SLC22A14: variants seen among roughly 807,000 people sequenced by gnomAD.
The protein encoded by SLC22A14 is solute carrier family 22 member 14.
A neutral mutation model predicts 53.9 loss-of-function variants in SLC22A14; 50 were observed. The observed-to-expected ratio is 0.93, with a 90% CI of 0.74 to 1.17. SLC22A14 has a LOEUF of 1.17. Among genes scored for constraint, SLC22A14 ranks in the 50% most tolerant of loss-of-function variants. The probability of loss-of-function intolerance (pLI) is 0.00; values close to 1 mark genes in which losing one functional copy is unlikely to be tolerated. For synonymous variants in SLC22A14, 312 were observed against 303.0 expected (o/e 1.03, Z -0.31); for missense variants, 671 against 734.7 (o/e 0.91, Z 1.00).
rs752077555 is a variant in SLC22A14, at chr3:38,315,669, T to C, written c.1490T>C (p.Val497Ala). The C allele has an allele frequency of 9.9e-6, 16 of 1,614,068 alleles. No homozygotes were observed. In the South Asian group the frequency reaches 1.8e-4, roughly 18 times the overall value. The stretch of plus-strand genomic sequence containing the variant: ...TTCAGCCTGGCCGCCACTGTCACTG[T>C]GTTCTTCCTCTACACCGCTGAGCTC... ...REFSLAATVT[V>A]FFLYTAELLP... Residue 497 changes from valine to alanine, a missense_variant, in exon 9 of 11, where the codon GTG (valine) becomes GCG (alanine). Val to Ala is a moderately conservative substitution (Grantham distance 64, BLOSUM62 0). Transcript: ENST00000448498.
Position 38,306,357 on chromosome 3 carries a change from T to C in SLC22A14, c.331T>C (p.Ser111Pro), listed in dbSNP as rs769143324. Residue 111 changes from serine (S) to proline (P), a missense_variant, in exon 2 of 11, where the codon TCC becomes CCC. Transcript: ENST00000448498. ...GATCCTGGCAGTGGGCCCCCACCTG[T>C]CCAAAGCTGAGCAGCTGAATCTGAC... ...SWILAVGPHL[S>P]KAEQLNLTIP... The C allele has an allele frequency of 5.6e-6, 9 of 1,614,126 alleles. No homozygotes were observed. Among genetic ancestry groups the C allele is most frequent in the Non-Finnish European group, 7.6e-6 (9 of 1,180,020 alleles).
chr3:38,297,249 G>T (rs916723724), intron 1 of SLC22A14, among the ~76,000 whole-genome samples: 1 of 152,188 alleles, frequency 6.6e-6, no homozygotes, highest in African/African-American at 2.4e-5. Context: ...CGTGTTTAAA[G>T]GTGGATGCGG....
intron 1 of SLC22A14, among the ~76,000 whole-genome samples, chr3:38,302,751 T>A (rs1472786071): frequency 6.6e-6 from 1 of 152,232 alleles, no homozygotes; most frequent in African/African-American, 2.4e-5. Flanking sequence ...TTGCATCCAT[T>A]TTTGTGAATG....
rs1183619221 is a variant in SLC22A14, at chr3:38,306,653, C to T, written c.516+111C>T. 3 of 1,080,188 alleles carry T rather than the reference C, an allele frequency of 2.8e-6. No homozygotes were observed. In the East Asian group the frequency reaches 7.1e-5, roughly 26 times the overall value. The allele number at this position is 1,080,188 out of a possible 1,614,324, so 66.9% of individuals were successfully genotyped here. On this transcript the variant is annotated intron_variant, in intron 2 of 10. Coordinates refer to ENST00000448498, the MANE Select transcript of SLC22A14 (RefSeq NM_001320033.2). ...AGCTCAGAGATGGGAAGCCATTGGCCTGAGGTCAACCTGCAGAGGCAGGGT... is the reference window on the plus strand; with the variant it reads ...AGCTCAGAGATGGGAAGCCATTGGCTTGAGGTCAACCTGCAGAGGCAGGGT...
chr3:38,294,780 G>C (rs1465506274), intron 1 of SLC22A14, among the ~76,000 whole-genome samples: 2 of 151,992 alleles, frequency 1.3e-5, no homozygotes, highest in Non-Finnish European at 2.9e-5. Context: ...GTTTCTAGTG[G>C]TACTTTACCA....
chr3:38,296,058 C>T (rs1465177211), intron 1 of SLC22A14, among the ~76,000 whole-genome samples: 1 of 152,162 alleles, frequency 6.6e-6, no homozygotes, highest in Admixed American at 6.5e-5. Context: ...CCATTAGTAC[C>T]TAGGAGGCAG....
chr3:38,307,857 G>A lies in SLC22A14; in HGVS notation c.775+137G>A. The A allele has an allele frequency of 3.2e-6, 3 of 939,818 alleles. No homozygotes were observed. Among genetic ancestry groups the A allele is most frequent in the Non-Finnish European group, 4.9e-6 (3 of 614,112 alleles). 58.2% of individuals were successfully genotyped at this position (939,818 alleles called of 1,614,324 possible). A position where few individuals can be genotyped will look rare whatever the true frequency, so the allele number is the denominator to read the frequency against. On this transcript the variant is annotated intron_variant, in intron 4 of 10. Coordinates refer to ENST00000448498, the MANE Select transcript of SLC22A14 (RefSeq NM_001320033.2). This position sits in a 1 kb window ranked among gnomAD's most constrained non-coding sequence, Gnocchi z 4.4. ...GGGGGCGTGGTGTAGCTGTAAGAGG[G>A]CATGGCGGGGGTGTGGCAGCGTGGG... is the stretch of plus-strand genomic sequence containing the variant.
chr3:38,313,612 C>A, intron 7 of SLC22A14, 115 bp from the exon 8 acceptor site: 1 of 950,518 alleles, frequency 1.1e-6, no homozygotes, highest in Admixed American at 1.9e-5. Context: ...GGTCTCTGTG[C>A]TTATTTCTCT....
chr3:38,291,744 A>T (rs1268947830), intron 1 of SLC22A14, among the ~76,000 whole-genome samples: 2 of 152,190 alleles, frequency 1.3e-5, no homozygotes, highest in Admixed American at 1.3e-4. Context: ...CAAGTTTAAC[A>T]CTGGGGCTTG....
In SLC22A14 at chr3:38,307,117, A is replaced by G. The variant is rs2125886271; in HGVS notation, c.517-137A>G. 2.9e-6 allele frequency: 2 copies of G among 691,866 alleles called. No homozygotes were observed. Among genetic ancestry groups the G allele is most frequent in the East Asian group, 5.3e-5 (2 of 37,956 alleles). The allele number at this position is 691,866 out of a possible 1,614,324, so 42.9% of individuals were successfully genotyped here. ...TTGCAGAGGTAACAGAGCAGAGGCA[A>G]CAGCTGAGGCACGCTGCACACTGTT... On this transcript the variant is annotated intron_variant, in intron 2 of 10. Coordinates refer to ENST00000448498, the MANE Select transcript of SLC22A14 (RefSeq NM_001320033.2). The surrounding 1 kb of genome is among the most constrained non-coding windows in gnomAD (Gnocchi z 4.4).
intron 8 of SLC22A14, among the ~76,000 whole-genome samples, chr3:38,314,374 C>A (rs1182736103): frequency 1.3e-5 from 2 of 152,200 alleles, no homozygotes; most frequent in African/African-American, 4.8e-5. Flanking sequence ...AATAACCTGA[C>A]CACTGAAAAA....
At position 38,307,726 on chromosome 3, in the gene SLC22A14, A is replaced by G. The variant is rs754801833; in HGVS notation, c.775+6A>G. ...CATCAGCAGCATTTCTTTGGGTGAG[A>G]CTGGGCCTCAATGGGGCAGGGCAGG... is the stretch of plus-strand genomic sequence containing the variant. On this transcript the variant is annotated splice_donor_region_variant and intron_variant, in intron 4 of 10. Transcript: ENST00000448498. The surrounding 1 kb of genome is among the most constrained non-coding windows in gnomAD (Gnocchi z 4.4). 5.6e-6 allele frequency: 9 copies of G among 1,613,766 alleles called. No homozygotes were observed. The highest frequency in any genetic ancestry group is 1.3e-5 in the African/African-American group (1 of 74,908).
At chr3:38,288,769 T>C (rs954635023) in intron 1 of SLC22A14, among the ~76,000 whole-genome samples, 10 of 152,182 alleles carry the variant, frequency 6.6e-5, no homozygotes, top group Non-Finnish European at 1.2e-4. Flanking sequence ...CTAATGGGTG[T>C]CTTGTATGTA....
At chr3:38,289,332 C>T (rs1703859702) in intron 1 of SLC22A14, among the ~76,000 whole-genome samples, 1 of 152,108 alleles carries the variant, frequency 6.6e-6, no homozygotes, top group Non-Finnish European at 1.5e-5. Context: ...ATAGACCTAA[C>T]TTGAACTTGG....
At chr3:38,284,082 G>A (rs1323720319) in intron 1 of SLC22A14, among the ~76,000 whole-genome samples, 5 of 152,326 alleles carry the variant, frequency 3.3e-5, no homozygotes, top group East Asian at 1.9e-4. Flanking sequence ...TCCCGTAGAC[G>A]ATGAGCTGGA....
Position 38,307,747 on chromosome 3 carries a change from G to A in SLC22A14, c.775+27G>A, listed in dbSNP as rs748815997. Reference sequence around the variant, plus strand: ...TGAGACTGGGCCTCAATGGGGCAGGGCAGGGTGGCACAGGGGCATGGCGGC... The same window carrying A: ...TGAGACTGGGCCTCAATGGGGCAGGACAGGGTGGCACAGGGGCATGGCGGC... On this transcript the variant is annotated intron_variant, in intron 4 of 10. Coordinates refer to ENST00000448498, the MANE Select transcript of SLC22A14 (RefSeq NM_001320033.2). The surrounding 1 kb of genome is among the most constrained non-coding windows in gnomAD (Gnocchi z 4.4). 6.2e-6 allele frequency: 10 copies of A among 1,612,716 alleles called. No individual in the cohort carries two copies. The African/African-American group carries it at 1.1e-4, about 17-fold the overall frequency.
intron 1 of SLC22A14, chr3:38,305,393 C>T (rs987693977): frequency 7.9e-5 from 12 of 152,590 alleles, no homozygotes; most frequent in African/African-American, 2.7e-4. Flanking sequence ...ACTGTTACCC[C>T]TTCTGAGAGT....
intron 1 of SLC22A14, among the ~76,000 whole-genome samples, chr3:38,295,369 G>A (rs200873828): frequency 1.4e-5 from 2 of 140,498 alleles, no homozygotes; most frequent in African/African-American, 2.7e-5. Context: ...CTCACAATGA[G>A]GTTTCCTCTA....
At chr3:38,297,203 A>T (rs915729938) in intron 1 of SLC22A14, among the ~76,000 whole-genome samples, 2 of 152,064 alleles carry the variant, frequency 1.3e-5, no homozygotes, top group Non-Finnish European at 2.9e-5. Context: ...TCTCTTTACT[A>T]CCTGTTTGGT....
Sources: allele counts gnomAD v4.1 joint callset (sites outside exome capture counted in the v4.1 genomes callset), GRCh38; gene constraint gnomAD v4.1.1; non-coding constraint Gnocchi (gnomAD v3.1); transcripts MANE v1.5; gene names NCBI Gene and HGNC (gene_info 2026-07-23, HGNC 2026-07-21).